SLC35D4: variants seen among roughly 807,000 people sequenced by gnomAD.
The protein encoded by SLC35D4 is UDP-N-acetylglucosamine transporter SLC35D4.
the SLC35D4 span, among the ~76,000 whole-genome samples, chr18:23,254,681 CCTTGCTCATGGGCATCTT>C: frequency 6.6e-6 from 1 of 152,152 alleles, no homozygotes; most frequent in Admixed American, 6.6e-5. Flanking sequence ...AGGTTCCTCT[CCTTGCTCATGGGCATCTT>C]CTTGCCCATC....
chr18:23,386,189 C>A, the SLC35D4 span, among the ~76,000 whole-genome samples: 1 of 151,490 alleles, frequency 6.6e-6, no homozygotes, highest in African/African-American at 2.4e-5. Flanking sequence ...CATTCCAATC[C>A]CTGGAACCTG....
the SLC35D4 span, among the ~76,000 whole-genome samples, chr18:23,332,213 T>TA: frequency 0.025 from 3,715 of 151,564 alleles, 52 homozygotes; most frequent in Middle Eastern, 0.058. Context: ...GTATTTTTTT[T>TA]AAAAAAATAA....
chr18:23,421,500 A>G, the SLC35D4 span: 1 of 1,521,974 alleles, frequency 6.6e-7, no homozygotes, highest in Non-Finnish European at 9.1e-7. Context: ...CTCCAACACC[A>G]TCCAGCCCCA....
At chr18:23,289,297 T>G in the SLC35D4 span, among the ~76,000 whole-genome samples, 1 of 152,216 alleles carries the variant, frequency 6.6e-6, no homozygotes, top group Non-Finnish European at 1.5e-5. Flanking sequence ...CCTTAGGCAC[T>G]CTCTAATTAA....
At chr18:23,344,105 C>T in the SLC35D4 span, among the ~76,000 whole-genome samples, 1 of 152,170 alleles carries the variant, frequency 6.6e-6, no homozygotes. Context: ...TGGTCTCAAA[C>T]TCCTGACCTC....
the SLC35D4 span, among the ~76,000 whole-genome samples, chr18:23,270,830 G>T: frequency 6.6e-6 from 1 of 152,204 alleles, no homozygotes; most frequent in Non-Finnish European, 1.5e-5. Flanking sequence ...CAAGATGAAC[G>T]CACTGGACAG....
the SLC35D4 span, among the ~76,000 whole-genome samples, chr18:23,431,526 T>C: frequency 6.6e-6 from 1 of 152,256 alleles, no homozygotes; most frequent in African/African-American, 2.4e-5. Flanking sequence ...TTTGTTGTCC[T>C]TCAATTTTTA....
the SLC35D4 span, among the ~76,000 whole-genome samples, chr18:23,399,163 C>T: frequency 6.6e-6 from 1 of 152,194 alleles, no homozygotes; most frequent in African/African-American, 2.4e-5. Flanking sequence ...TGACCAAGCT[C>T]ACCAGGCCAC....
chr18:23,248,275 G>A, the SLC35D4 span, among the ~76,000 whole-genome samples: 4 of 152,298 alleles, frequency 2.6e-5, no homozygotes, highest in South Asian at 2.1e-4. Flanking sequence ...CTCTGTCCCC[G>A]CCTTCACCGA....
chr18:23,338,486 T>C, the SLC35D4 span, among the ~76,000 whole-genome samples: 3 of 152,182 alleles, frequency 2.0e-5, no homozygotes, highest in African/African-American at 4.8e-5. Context: ...CTCAATAACA[T>C]AGACATTATT....
chr18:23,339,923 G>C, the SLC35D4 span, among the ~76,000 whole-genome samples: 1 of 152,202 alleles, frequency 6.6e-6, no homozygotes, highest in Non-Finnish European at 1.5e-5. Context: ...GGATTTCAAG[G>C]TATTGATGTT....
chr18:23,426,608 A>T, the SLC35D4 span, among the ~76,000 whole-genome samples: 1 of 152,218 alleles, frequency 6.6e-6, no homozygotes, highest in Non-Finnish European at 1.5e-5. Context: ...TAATTTATAG[A>T]TTCAATGCCA....
the SLC35D4 span, among the ~76,000 whole-genome samples, chr18:23,369,903 G>A: frequency 3.3e-5 from 5 of 152,204 alleles, no homozygotes; most frequent in African/African-American, 4.8e-5. Flanking sequence ...TATCCTGGCC[G>A]GGTGTGGTGG....
chr18:23,430,533 G>T, the SLC35D4 span: 1 of 1,036,866 alleles, frequency 9.6e-7, no homozygotes. Flanking sequence ...ATGTCTATTT[G>T]ACAAAAAAAA....
At chr18:23,409,949 G>A in the SLC35D4 span, among the ~76,000 whole-genome samples, 2 of 151,668 alleles carry the variant, frequency 1.3e-5, no homozygotes, top group Non-Finnish European at 2.9e-5. Flanking sequence ...TACTACTGAC[G>A]TAGCATTTAC....
chr18:23,376,288 G>A, the SLC35D4 span, among the ~76,000 whole-genome samples: 1 of 152,192 alleles, frequency 6.6e-6, no homozygotes. Flanking sequence ...GATCAATTCT[G>A]ACAGTCCTCA....
chr18:23,287,368 C>T, the SLC35D4 span, among the ~76,000 whole-genome samples: 1 of 152,242 alleles, frequency 6.6e-6, no homozygotes, highest in East Asian at 1.9e-4. Flanking sequence ...CTTGGACTGA[C>T]CCTGACACCC....
chr18:23,428,143 A>G, the SLC35D4 span, among the ~76,000 whole-genome samples: 2 of 152,322 alleles, frequency 1.3e-5, no homozygotes, highest in Admixed American at 6.5e-5. Context: ...CATTGTGCAC[A>G]TGTACCCCAG....
chr18:23,281,709 A>G, the SLC35D4 span, among the ~76,000 whole-genome samples: 4 of 152,184 alleles, frequency 2.6e-5, no homozygotes, highest in Admixed American at 2.6e-4. Context: ...GTTTGCTTTA[A>G]GTCTACAATC....
Sources: allele counts gnomAD v4.1 joint callset (sites outside exome capture counted in the v4.1 genomes callset), GRCh38; gene constraint gnomAD v4.1.1; transcripts MANE v1.5; gene names NCBI Gene and HGNC (gene_info 2026-07-23, HGNC 2026-07-21).